TIAM1: variants seen among roughly 807,000 people sequenced by gnomAD.
The protein encoded by TIAM1 is rho guanine nucleotide exchange factor TIAM1.
Under a neutral mutation model 163.5 loss-of-function variants are expected in TIAM1, and 65 were observed. That is an observed-to-expected ratio of 0.40 (90% CI 0.33 to 0.49). TIAM1 has a LOEUF of 0.49. Ranked by LOEUF, TIAM1 falls within the 20% of genes least tolerant of loss-of-function variation. The pLI, the probability that TIAM1 is intolerant of heterozygous loss-of-function variation, is 0.77. For missense variants in TIAM1, 1,789 were observed against 2,044.7 expected, an observed-to-expected ratio of 0.87 and a Z score of 2.41; for synonymous variants, 833 against 810.1, an observed-to-expected ratio of 1.03 and a Z score of -0.48.
At chr21:31,510,966 A>T (rs1453970473) in intron 1 of TIAM1, among the ~76,000 whole-genome samples, 1 of 152,250 alleles carries the variant, frequency 6.6e-6, no homozygotes, top group Non-Finnish European at 1.5e-5. Flanking sequence ...AGATACACAC[A>T]GTGAAGGTAA....
At position 31,266,692 on chromosome 21, in the gene TIAM1, A is replaced by C; in HGVS notation, c.281T>G (p.Val94Gly). 1.9e-6 allele frequency: 3 copies of C among 1,614,064 alleles called. 1 individual carries two copies. Among genetic ancestry groups the C allele is most frequent in the Admixed American group, 3.3e-5 (2 of 60,010 alleles). Residue 94 changes from valine to glycine, a missense_variant, in exon 4 of 28, where the codon GTG becomes GGG. By Grantham distance (109) the Val-to-Gly change is moderately radical. Around this residue, in one of 5 missense-constraint regions of TIAM1, gnomAD observed 555 missense variants for 564.9 expected, o/e 0.98. Transcript: ENST00000541036. ...DFGSPIWVDR[V>G]DMGLRPVSYT... ...AGACACAGGTCTCAAGCCCATGTCC[A>C]CTCGGTCCACCCAGATGGGGCTCCC...
intron 1 of TIAM1, among the ~76,000 whole-genome samples, chr21:31,470,840 T>A (rs2045714020): frequency 6.6e-6 from 1 of 152,062 alleles, no homozygotes; most frequent in Non-Finnish European, 1.5e-5. Flanking sequence ...GGTACCCAGG[T>A]CAGCTCCATG....
At chr21:31,553,736 G>T (rs2048773687) in intron 1 of TIAM1, among the ~76,000 whole-genome samples, 1 of 152,078 alleles carries the variant, frequency 6.6e-6, no homozygotes, top group Admixed American at 6.5e-5. Flanking sequence ...GAGAGGTTTT[G>T]CAGGTCAGAC....
At chr21:31,194,479 A>G (rs1308854674) in intron 13 of TIAM1, among the ~76,000 whole-genome samples, 2 of 152,194 alleles carry the variant, frequency 1.3e-5, no homozygotes, top group Non-Finnish European at 2.9e-5. Flanking sequence ...GAGGGGGTGT[A>G]AAAGAATAAT....
chr21:31,482,501 C>T (rs780601903), intron 1 of TIAM1, among the ~76,000 whole-genome samples: 16 of 152,164 alleles, frequency 1.1e-4, no homozygotes, highest in Non-Finnish European at 1.9e-4. Context: ...AGATGGTGCC[C>T]TCTTGTCACC....
chr21:31,134,808 GCCT>G (rs1480827380), intron 23 of TIAM1, among the ~76,000 whole-genome samples: 2 of 152,108 alleles, frequency 1.3e-5, no homozygotes, highest in African/African-American at 4.8e-5. Context: ...ACCACACCTG[GCCT>G]CCTTTGTTAT....
At chr21:31,149,796 A>G (rs1475819608) in intron 19 of TIAM1, among the ~76,000 whole-genome samples, 1 of 152,170 alleles carries the variant, frequency 6.6e-6, no homozygotes, top group African/African-American at 2.4e-5. Flanking sequence ...CAAATTATCA[A>G]TTTACTAATT....
chr21:31,556,989 C>A (rs1250831093), intron 1 of TIAM1, among the ~76,000 whole-genome samples: 1 of 152,224 alleles, frequency 6.6e-6, no homozygotes, highest in Admixed American at 6.5e-5. Flanking sequence ...CCAGACATCT[C>A]TTTGTTCAAA....
At chr21:31,221,041 T>C (rs1322880960) in intron 8 of TIAM1, among the ~76,000 whole-genome samples, 1 of 151,238 alleles carries the variant, frequency 6.6e-6, no homozygotes, top group Non-Finnish European at 1.5e-5. Flanking sequence ...CCTCCCCCAC[T>C]AAAAAGAAGA....
intron 4 of TIAM1, among the ~76,000 whole-genome samples, chr21:31,256,588 T>TACACACAC (rs5030999): frequency 0.39 from 49,675 of 127,856 alleles, 10,529 homozygotes; most frequent in East Asian, 0.46. Flanking sequence ...TACCCCTCAC[T>TACACACAC]ACACACACAC....
intron 1 of TIAM1, among the ~76,000 whole-genome samples, chr21:31,488,887 A>G (rs79573360): frequency 0.033 from 5,078 of 152,196 alleles, 307 homozygotes; most frequent in African/African-American, 0.11. Context: ...ACAGGAAAAC[A>G]TAAGTGAAAA....
chr21:31,314,995 T>G (rs2075056392), intron 2 of TIAM1, among the ~76,000 whole-genome samples: 1 of 152,234 alleles, frequency 6.6e-6, no homozygotes, highest in African/African-American at 2.4e-5. Flanking sequence ...TTTCACGTAT[T>G]TATTTATTTA....
intron 2 of TIAM1, among the ~76,000 whole-genome samples, chr21:31,437,735 C>T (rs1232201545): frequency 6.6e-6 from 1 of 152,134 alleles, no homozygotes; most frequent in East Asian, 1.9e-4. Context: ...CTTCCACCTG[C>T]TCTGGCCACG....
intron 1 of TIAM1, among the ~76,000 whole-genome samples, chr21:31,343,509 A>G (rs1450384716): frequency 2.6e-5 from 4 of 152,142 alleles, no homozygotes; most frequent in Non-Finnish European, 4.4e-5. Flanking sequence ...ATCCAGATAA[A>G]CAAATCACAC....
chr21:31,482,048 G>GA (rs2046124767), intron 1 of TIAM1, among the ~76,000 whole-genome samples: 1 of 135,998 alleles, frequency 7.4e-6, no homozygotes, highest in Non-Finnish European at 1.5e-5. Context: ...TGTGTGCCAG[G>GA]AACTGGGACA....
At chr21:31,169,696 C>T (rs545957278) in intron 15 of TIAM1, among the ~76,000 whole-genome samples, 32 of 152,020 alleles carry the variant, frequency 2.1e-4, no homozygotes, top group African/African-American at 7.0e-4. Flanking sequence ...AAATGATAAA[C>T]AGCTGATACA....
chr21:31,244,823 T>G, intron 6 of TIAM1, among the ~76,000 whole-genome samples: 1 of 152,222 alleles, frequency 6.6e-6, no homozygotes, highest in East Asian at 1.9e-4. Context: ...AAAATAATTC[T>G]TCAATGGAAT....
intron 2 of TIAM1, among the ~76,000 whole-genome samples, chr21:31,322,635 A>G (rs2075354816): frequency 6.6e-6 from 1 of 151,934 alleles, no homozygotes; most frequent in Non-Finnish European, 1.5e-5. Context: ...TACTTTTGCC[A>G]CTGCCTGTCT....
intron 1 of TIAM1, among the ~76,000 whole-genome samples, chr21:31,522,595 G>A (rs1472297086): frequency 4.6e-5 from 7 of 151,908 alleles, no homozygotes; most frequent in South Asian, 4.2e-4. Flanking sequence ...ATTGTTTATC[G>A]TCAGGGAGCC....
Sources: gnomAD v4.1 joint callset for allele counts (sites outside exome capture counted in the v4.1 genomes callset) on GRCh38, gnomAD v4.1.1 for gene constraint, gnomAD v4.1.1 regional missense constraint, MANE v1.5 for transcripts, NCBI Gene and HGNC (gene_info 2026-07-23, HGNC 2026-07-21) for gene names.